Variants in RPTOR observed in about 807,000 individuals in gnomAD.
RPTOR encodes the protein regulatory associated protein of MTOR complex 1, also known as regulatory-associated protein of mTOR.
A neutral mutation model predicts 169.9 loss-of-function variants in RPTOR; 21 were observed. The observed-to-expected ratio is 0.12, with a 90% CI of 0.09 to 0.18. The LOEUF is 0.18. RPTOR is among the 10% of genes least tolerant of loss of function. RPTOR has a pLI of 1.00. For missense variants in RPTOR, 1,133 were observed against 1,855.9 expected (o/e 0.61, Z 7.16); for synonymous variants, 732 against 753.2 (o/e 0.97, Z 0.46).
In RPTOR at chr17:80,822,197, C is replaced by G. The variant is rs370675102; in HGVS notation, c.891-4C>G. On this transcript the variant is annotated splice_region_variant and splice_polypyrimidine_tract_variant and intron_variant, in intron 7 of 33. Coordinates refer to ENST00000306801, the MANE Select transcript of RPTOR (RefSeq NM_020761.3). ...CACTCATGAGAACGCCCCTTGTTTTCTAGGATCCCTGGCCGCCTGAACGAC... is the reference window on the plus strand; with the variant it reads ...CACTCATGAGAACGCCCCTTGTTTTGTAGGATCCCTGGCCGCCTGAACGAC... 3.7e-6 allele frequency: 6 copies of G among 1,613,810 alleles called. No individual in the cohort carries two copies. In the African/African-American group the frequency reaches 5.3e-5, roughly 14 times the overall value.
chr17:80,586,568 C>T (rs570255954), intron 1 of RPTOR, among the ~76,000 whole-genome samples: 4 of 152,332 alleles, frequency 2.6e-5, no homozygotes, highest in South Asian at 2.1e-4. Context: ...CTGCCTGTGT[C>T]GCTCTGGCTG....
chr17:80,948,358 G>T (rs1468034), intron 27 of RPTOR, among the ~76,000 whole-genome samples: 51,067 of 152,174 alleles, frequency 0.34, 9,896 homozygotes, highest in East Asian at 0.55. Context: ...AGCATCAACC[G>T]ATGTCGAAAG....
In RPTOR at chr17:80,821,445, G is replaced by A. The variant is rs191974688; in HGVS notation, c.891-756G>A. Among the ~76,000 whole-genome samples the A allele has an allele frequency of 3.0e-4, 45 of 152,256 alleles. No individual in the cohort carries two copies. The East Asian group carries it at 7.9e-3, about 27-fold the overall frequency. On this transcript the variant is annotated intron_variant, in intron 7 of 33. Coordinates refer to ENST00000306801, the MANE Select transcript of RPTOR (RefSeq NM_020761.3). ...CACGTGGCATTTGGTTTTCCATTCC[G>A]AGTTACTTCACTTAGAATAATGGCC...
chr17:80,805,467 G>A (rs755363747), intron 7 of RPTOR: 3 of 152,256 alleles, frequency 2.0e-5, no homozygotes, highest in Admixed American at 6.5e-5. Flanking sequence ...TGCTTTTCTC[G>A]ATGTGGCAGG....
At chr17:80,911,706 G>C (rs1170997933) in intron 21 of RPTOR, among the ~76,000 whole-genome samples, 1 of 152,164 alleles carries the variant, frequency 6.6e-6, no homozygotes, top group Non-Finnish European at 1.5e-5. Context: ...GATCCCTTGA[G>C]CCCAGGAGCT....
At chr17:80,679,243 C>T (rs1309018426) in intron 3 of RPTOR, among the ~76,000 whole-genome samples, 1 of 152,228 alleles carries the variant, frequency 6.6e-6, no homozygotes, top group African/African-American at 2.4e-5. Context: ...TGCCACTGCA[C>T]TCCAGCCTGG....
chr17:80,808,553 A>G (rs1330405094), intron 7 of RPTOR, among the ~76,000 whole-genome samples: 2 of 152,218 alleles, frequency 1.3e-5, no homozygotes, highest in East Asian at 1.9e-4. Context: ...CTTGAGGTGC[A>G]TTCAATAAAA....
intron 1 of RPTOR, among the ~76,000 whole-genome samples, chr17:80,592,078 T>A (rs2065111925): frequency 6.6e-6 from 1 of 152,240 alleles, no homozygotes; most frequent in Non-Finnish European, 1.5e-5. Flanking sequence ...TACTTTTCCC[T>A]CCCAGTGCAG....
chr17:80,692,261 G>C (rs778336453), intron 3 of RPTOR, among the ~76,000 whole-genome samples: 1 of 151,142 alleles, frequency 6.6e-6, no homozygotes, highest in Admixed American at 6.6e-5. Flanking sequence ...ATAGGTGCAC[G>C]CCACCATGTC....
chr17:80,845,973 C>A lies in RPTOR; in HGVS notation c.1213-500C>A, dbSNP rs937724368. 1.3e-5 allele frequency among the ~76,000 whole-genome samples: 2 copies of A among 152,228 alleles called. No homozygotes were observed. The highest frequency in any genetic ancestry group is 4.8e-5 in the African/African-American group (2 of 41,464). ...GGCCCTCACCGGCCCCAGCGCGGCC[C>A]CAGCTCATCTCCTTGGTCTCCATAG... On this transcript the variant is annotated intron_variant, in intron 10 of 33. Transcript: ENST00000306801. This position sits in a 1 kb window ranked among gnomAD's most constrained non-coding sequence, Gnocchi z 5.4.
At position 80,717,921 on chromosome 17, in the gene RPTOR, G is replaced by A. The variant is rs751912305; in HGVS notation, c.507+9922G>A. Among the ~76,000 whole-genome samples the A allele has an allele frequency of 3.9e-5, 6 of 152,204 alleles. No individual in the cohort carries two copies. In the East Asian group the frequency reaches 5.8e-4, roughly 15 times the overall value. On this transcript the variant is annotated intron_variant, in intron 4 of 33. Transcript: ENST00000306801. ...CCATTAAGAATTCACGTAGCGGAAC[G>A]TTTATCGGGAGAAGGATTAATCCAC...
At chr17:80,712,731 A>G (rs1235311758) in intron 4 of RPTOR, among the ~76,000 whole-genome samples, 2 of 152,206 alleles carry the variant, frequency 1.3e-5, no homozygotes, top group African/African-American at 2.4e-5. Context: ...TTAGCTTTAT[A>G]AGGAACTGTG....
intron 6 of RPTOR, among the ~76,000 whole-genome samples, chr17:80,773,583 C>T (rs1249389313): frequency 1.3e-5 from 2 of 152,210 alleles, no homozygotes; most frequent in Non-Finnish European, 2.9e-5. Context: ...GCATTTTTTA[C>T]ACCGAGGACT....
intron 21 of RPTOR, among the ~76,000 whole-genome samples, chr17:80,912,330 C>T (rs141518779): frequency 1.5e-4 from 23 of 152,158 alleles, no homozygotes; most frequent in East Asian, 5.8e-4. Flanking sequence ...TGGAGGCCAG[C>T]GCTATTTAGG....
chr17:80,822,099 CAG>C, intron 7 of RPTOR, 100 bp from the exon 8 acceptor site: 1 of 1,039,898 alleles, frequency 9.6e-7, no homozygotes, highest in Non-Finnish European at 1.5e-6. Context: ...CTCCCTCGCT[CAG>C]AGCCTTTCGC....
At chr17:80,945,832 CG>C (rs1568003448) in intron 26 of RPTOR, 51 bp downstream of exon 26, 1 of 1,109,536 alleles carries the variant, frequency 9.0e-7, no homozygotes. Context: ...ACAGCCCCAG[CG>C]ATGCCCTGTT....
intron 6 of RPTOR, among the ~76,000 whole-genome samples, chr17:80,772,874 G>A (rs938168626): frequency 1.3e-5 from 2 of 152,072 alleles, no homozygotes; most frequent in African/African-American, 4.8e-5. Context: ...GGTGGCAGCC[G>A]GACATCAAGG....
At chr17:80,660,938 G>A (rs868112913) in intron 3 of RPTOR, among the ~76,000 whole-genome samples, 5 of 151,972 alleles carry the variant, frequency 3.3e-5, no homozygotes, top group Middle Eastern at 3.2e-3. Context: ...GCAAGGTCAA[G>A]GTCAAGCTCC....
At chr17:80,788,330 G>A (rs1226384743) in intron 6 of RPTOR, among the ~76,000 whole-genome samples, 3 of 151,940 alleles carry the variant, frequency 2.0e-5, no homozygotes, top group Non-Finnish European at 4.4e-5. Context: ...AAATTAGCCG[G>A]GCATGGTGGC....
Sources: allele counts gnomAD v4.1 joint callset (sites outside exome capture counted in the v4.1 genomes callset), GRCh38; gene constraint gnomAD v4.1.1; non-coding constraint Gnocchi (gnomAD v3.1); transcripts MANE v1.5; gene names NCBI Gene and HGNC (gene_info 2026-07-23, HGNC 2026-07-21).